UBE2E1: variants seen among roughly 807,000 people sequenced by gnomAD.
UBE2E1 encodes the protein ubiquitin-conjugating enzyme E2 E1.
UBE2E1 carries 6 observed loss-of-function variants against 21.4 expected under a neutral mutation model. That is an observed-to-expected ratio of 0.28 (90% CI 0.15 to 0.55). The LOEUF (loss-of-function observed/expected upper bound fraction) is 0.55. Among genes scored for constraint, UBE2E1 ranks in the 20% least tolerant of loss-of-function variants. The probability of loss-of-function intolerance (pLI) is 0.93; values close to 1 mark genes in which losing one functional copy is unlikely to be tolerated. For missense variants in UBE2E1, 142 were observed against 236.5 expected (o/e 0.60, Z 2.62); for synonymous variants, 87 against 82.7 (o/e 1.05, Z -0.28).
At chr3:23,834,727 T>C (rs1028718645) in intron 3 of UBE2E1, among the ~76,000 whole-genome samples, 4 of 152,108 alleles carry the variant, frequency 2.6e-5, no homozygotes, top group African/African-American at 7.2e-5. Context: ...AGACCCCGTC[T>C]CTAAAAATAA....
Position 23,853,654 on chromosome 3 carries a change from C to G in UBE2E1, c.204-33913C>G, listed in dbSNP as rs181291064. Among the ~76,000 whole-genome samples, 54 of 152,222 alleles carry G rather than the reference C, an allele frequency of 3.5e-4. No homozygotes were observed. The highest frequency in any genetic ancestry group is 6.5e-4 in the Non-Finnish European group (44 of 67,998). On this transcript the variant is annotated intron_variant, in intron 3 of 5. Transcript: ENST00000306627. The surrounding 1 kb of genome is among the most constrained non-coding windows in gnomAD (Gnocchi z 4.1). ...GGAGAGTTGGAGGGGAGAGGAGACA[C>G]TTGTCCCTCTTAACTTGTTTCTTGG...
chr3:23,888,943 A>C (rs1386251094), intron 4 of UBE2E1, among the ~76,000 whole-genome samples, 169 bp from the exon 5 acceptor site: 2 of 152,270 alleles, frequency 1.3e-5, no homozygotes, highest in Non-Finnish European at 2.9e-5. Context: ...AAATTGACAC[A>C]GTCCCTGAGA....
Position 23,810,411 on chromosome 3 carries a change from G to T in UBE2E1, c.153-1049G>T. 6.5e-7 allele frequency: 1 copy of T among 1,534,106 alleles called. No individual in the cohort carries two copies. Among genetic ancestry groups the T allele is most frequent in the Non-Finnish European group, 8.7e-7 (1 of 1,145,502 alleles). On this transcript the variant is annotated intron_variant, in intron 2 of 5. Coordinates refer to ENST00000306627, the MANE Select transcript of UBE2E1 (RefSeq NM_003341.5). The surrounding 1 kb of genome is among the most constrained non-coding windows in gnomAD (Gnocchi z 5.8). ...GATGGGGCCCTTTGTGAAGTCGAGG[G>T]TTGGTGCGGAGGGAGAAAACTGCAG...
chr3:23,890,454 A>C, intron 5 of UBE2E1, 55 bp from the exon 6 acceptor site: 4 of 1,566,188 alleles, frequency 2.6e-6, no homozygotes, highest in Non-Finnish European at 1.7e-6. Context: ...CTATTCGCTA[A>C]AGTTTAAAAT....
chr3:23,845,585 C>CTGTGTGTGTG (rs71620797), intron 3 of UBE2E1, among the ~76,000 whole-genome samples: 4,099 of 97,568 alleles, frequency 0.042, 92 homozygotes, highest in African/African-American at 0.074. Context: ...CTCTCTCTCT[C>CTGTGTGTGTG]TCTCTGTGTG....
chr3:23,825,110 A>G (rs989507796), intron 3 of UBE2E1, among the ~76,000 whole-genome samples: 14 of 152,230 alleles, frequency 9.2e-5, no homozygotes, highest in Non-Finnish European at 1.6e-4. Context: ...AGAATTGTCC[A>G]TACTAATAAG....
rs1307857179 is a variant in UBE2E1, at chr3:23,823,202, A to G, written c.203+11692A>G. 4.6e-5 allele frequency among the ~76,000 whole-genome samples: 7 copies of G among 152,200 alleles called. No homozygotes were observed. The highest frequency in any genetic ancestry group is 2.0e-4 in the Admixed American group (3 of 15,292). ...TTAATGCTTTACATTGGATATACTT[A>G]GAACTCTTAAAGCAATCATATAAGC... On this transcript the variant is annotated intron_variant, in intron 3 of 5. Transcript: ENST00000306627. This position sits in a 1 kb window ranked among gnomAD's most constrained non-coding sequence, Gnocchi z 4.2.
Position 23,870,034 on chromosome 3 carries a change from A to G in UBE2E1, c.204-17533A>G, listed in dbSNP as rs1700750630. The stretch of plus-strand genomic sequence containing the variant: ...GCTTTCTAATGCAGTTACAGGGGCT[A>G]GGACTGGAGTCATGTGAAGCCTTCC... On this transcript the variant is annotated intron_variant, in intron 3 of 5. Transcript: ENST00000306627. This position sits in a 1 kb window ranked among gnomAD's most constrained non-coding sequence, Gnocchi z 4.2. Among the ~76,000 whole-genome samples the G allele has an allele frequency of 6.6e-6, 1 of 152,206 alleles. No individual in the cohort carries two copies.
intron 3 of UBE2E1, among the ~76,000 whole-genome samples, chr3:23,886,731 G>C (rs925582359): frequency 3.3e-5 from 5 of 152,184 alleles, no homozygotes; most frequent in African/African-American, 9.7e-5. Flanking sequence ...GTCTTGTTCA[G>C]CATCAAAACC....
Position 23,811,451 on chromosome 3 carries a change from C to A in UBE2E1, c.153-9C>A. 1 of 1,614,174 alleles carries A rather than the reference C, an allele frequency of 6.2e-7. No homozygotes were observed. Among genetic ancestry groups the A allele is most frequent in the Non-Finnish European group, 8.5e-7 (1 of 1,180,000 alleles). ...CTTGTGTTTGTCTTTCCCATTTCTC[C>A]CACTCCAGAATTCAGAAGGAGCTGG... On this transcript the variant is annotated splice_polypyrimidine_tract_variant and intron_variant, in intron 2 of 5. Transcript: ENST00000306627.
chr3:23,826,096 A>G, intron 3 of UBE2E1, among the ~76,000 whole-genome samples: 1 of 152,336 alleles, frequency 6.6e-6, no homozygotes, highest in African/African-American at 2.4e-5. Flanking sequence ...ATTGTATTAA[A>G]AAATAGAGGT....
intron 3 of UBE2E1, among the ~76,000 whole-genome samples, chr3:23,826,520 T>C (rs2125290607): frequency 6.6e-6 from 1 of 152,286 alleles, no homozygotes; most frequent in East Asian, 1.9e-4. Context: ...CTAGGAGAGT[T>C]GGGCAGCTTG....
intron 3 of UBE2E1, among the ~76,000 whole-genome samples, chr3:23,832,413 G>A (rs1037928709): frequency 5.3e-5 from 8 of 152,230 alleles, no homozygotes; most frequent in Admixed American, 2.0e-4. Context: ...GGGAGGCCGA[G>A]GTGGGCAGAT....
chr3:23,887,791 C>T lies in UBE2E1; in HGVS notation c.336+92C>T. 7 of 1,455,474 alleles carry T rather than the reference C, an allele frequency of 4.8e-6. No homozygotes were observed. The highest frequency in any genetic ancestry group is 6.4e-6 in the Non-Finnish European group (7 of 1,086,732). The allele number at this position is 1,455,474 out of a possible 1,614,324, so 90.2% of individuals were successfully genotyped here. On this transcript the variant is annotated intron_variant, in intron 4 of 5. Transcript: ENST00000306627. This position sits in a 1 kb window ranked among gnomAD's most constrained non-coding sequence, Gnocchi z 4.4. ...TAAATTTAATTTTTAATCACAGAAA[C>T]TAGATTTATCTTATGTCCTAATAGA...
intron 3 of UBE2E1, among the ~76,000 whole-genome samples, chr3:23,857,053 C>T (rs974599121): frequency 6.7e-6 from 1 of 149,852 alleles, no homozygotes; most frequent in South Asian, 2.1e-4. Context: ...TAATTTTGAG[C>T]CTGGCAGGTC....
intron 3 of UBE2E1, among the ~76,000 whole-genome samples, chr3:23,846,683 G>A (rs1343497709): frequency 4.8e-5 from 6 of 124,534 alleles, no homozygotes; most frequent in East Asian, 4.4e-4. Flanking sequence ...GCGACAGAGC[G>A]AGACTCCATC....
chr3:23,843,076 C>CTT (rs55762254), intron 3 of UBE2E1, among the ~76,000 whole-genome samples: 26 of 141,012 alleles, frequency 1.8e-4, no homozygotes, highest in African/African-American at 3.1e-4. Context: ...TGGCTTAAAG[C>CTT]TTTTTTTTTT....
At position 23,806,075 on chromosome 3, in the gene UBE2E1, A is replaced by T. The variant is rs1324016681; in HGVS notation, c.-47A>T. ...GCCGCCGCGGCGGCACGGAGGAGCC[A>T]GACACAAAGAGAGGTACGGGGATCC... On this transcript the variant is annotated 5_prime_UTR_variant, in exon 1 of 6. Coordinates refer to ENST00000306627, the MANE Select transcript of UBE2E1 (RefSeq NM_003341.5). This position sits in a 1 kb window ranked among gnomAD's most constrained non-coding sequence, Gnocchi z 6.5. 1 of 150,994 alleles carries T rather than the reference A, an allele frequency of 6.6e-6. No homozygotes were observed. The highest frequency in any genetic ancestry group is 1.5e-5 in the Non-Finnish European group (1 of 67,364). 9.4% of individuals were successfully genotyped at this position (150,994 alleles called of 1,614,324 possible).
At chr3:23,855,131 TA>T (rs1700406753) in intron 3 of UBE2E1, among the ~76,000 whole-genome samples, 1 of 152,242 alleles carries the variant, frequency 6.6e-6, no homozygotes, top group Non-Finnish European at 1.5e-5. Flanking sequence ...GTGGTGAAAT[TA>T]AAACATTTAT....
Sources: gnomAD v4.1 joint callset for allele counts (sites outside exome capture counted in the v4.1 genomes callset) on GRCh38, gnomAD v4.1.1 for gene constraint, Gnocchi (gnomAD v3.1) non-coding constraint, MANE v1.5 for transcripts, NCBI Gene and HGNC (gene_info 2026-07-23, HGNC 2026-07-21) for gene names.